The following ACCSL variants were observed in gnomAD, a reference collection of about 807,000 sequenced individuals.
The protein encoded by ACCSL is probable inactive 1-aminocyclopropane-1-carboxylate synthase-like protein 2.
ACCSL carries 55 observed loss-of-function variants against 61.7 expected under a neutral mutation model. That is an observed-to-expected ratio of 0.89 (90% CI 0.72 to 1.12). The LOEUF is 1.12. Among genes scored for constraint, ACCSL ranks in the 50% most tolerant of loss-of-function variants. The pLI is 0.00. For missense variants in ACCSL, 632 were observed against 698.0 expected, an observed-to-expected ratio of 0.91 and a Z score of 1.07; for synonymous variants, 258 against 264.3, an observed-to-expected ratio of 0.98 and a Z score of 0.23.
chr11:43,976,647 T>G, the ACCSL span, among the ~76,000 whole-genome samples: 8 of 152,178 alleles, frequency 5.3e-5, no homozygotes, highest in Non-Finnish European at 8.8e-5. Flanking sequence ...TTTTCCATGC[T>G]GGAGTCTCCA....
chr11:43,933,631 T>C, the ACCSL span, among the ~76,000 whole-genome samples: 4 of 152,144 alleles, frequency 2.6e-5, no homozygotes, highest in African/African-American at 4.8e-5. Context: ...CAAGAAAGCA[T>C]GTGGGAAGGG....
At chr11:43,950,688 C>T in the ACCSL span, among the ~76,000 whole-genome samples, 4 of 152,330 alleles carry the variant, frequency 2.6e-5, no homozygotes, top group East Asian at 7.7e-4. Flanking sequence ...TGATCAAGCC[C>T]ACAAGCCCAA....
chr11:43,973,416 ATCTATC>A, the ACCSL span, among the ~76,000 whole-genome samples: 1 of 22,234 alleles, frequency 4.5e-5, no homozygotes. Context: ...TGAGATATCT[ATCTATC>A]TATCTATCTA....
chr11:43,931,719 G>T, the ACCSL span, among the ~76,000 whole-genome samples: 1 of 152,208 alleles, frequency 6.6e-6, no homozygotes. Flanking sequence ...AGAGTTAGGT[G>T]CTCAGGAAAA....
chr11:44,023,234 G>A, the ACCSL span, among the ~76,000 whole-genome samples: 786 of 151,652 alleles, frequency 5.2e-3, 3 homozygotes, highest in Non-Finnish European at 8.6e-3. Flanking sequence ...TATACTTTTA[G>A]TAGAGGCAGA....
intron 1 of ACCSL, 100 bp from the exon 2 acceptor site, chr11:44,049,962 C>A: frequency 6.6e-7 from 1 of 1,506,918 alleles, no homozygotes; most frequent in Non-Finnish European, 9.2e-7. Flanking sequence ...ATTGAATTGC[C>A]TCATAGGCAG....
chr11:43,925,323 C>A, the ACCSL span: 20 of 454,972 alleles, frequency 4.4e-5, no homozygotes, highest in Admixed American at 7.1e-5. Context: ...CTCTGAGAGG[C>A]CTGGTGACAA....
chr11:43,949,724 A>G, the ACCSL span, among the ~76,000 whole-genome samples: 2 of 152,130 alleles, frequency 1.3e-5, no homozygotes, highest in Non-Finnish European at 2.9e-5. Flanking sequence ...CTGAGACAGG[A>G]GAGTTGCTTG....
At chr11:43,958,029 TG>T in the ACCSL span, among the ~76,000 whole-genome samples, 1 of 152,254 alleles carries the variant, frequency 6.6e-6, no homozygotes, top group Non-Finnish European at 1.5e-5. Context: ...TGTTCATTCC[TG>T]GGCATAGGCC....
chr11:44,029,969 T>TTTTTATTTTATTTTATTTTATTTTA, the ACCSL span, among the ~76,000 whole-genome samples: 2 of 94,480 alleles, frequency 2.1e-5, no homozygotes, highest in Non-Finnish European at 4.3e-5. Flanking sequence ...CTGGGCCTTG[T>TTTTTATTTTATTTTATTTTATTTTA]TTTTATTTTA....
At position 44,049,218 on chromosome 11, in the gene ACCSL, G is replaced by C. The variant is rs138551101; in HGVS notation, c.504+678G>C. 1.5e-4 allele frequency among the ~76,000 whole-genome samples: 23 copies of C among 152,034 alleles called. No individual in the cohort carries two copies. In the East Asian group the frequency reaches 4.1e-3, roughly 27 times the overall value. On this transcript the variant is annotated intron_variant, in intron 1 of 13. Coordinates refer to ENST00000378832, the MANE Select transcript of ACCSL (RefSeq NM_001031854.2). Reference sequence around the variant, plus strand: ...GTGGATCGCTCAAGTCCAGGAATTCGAGACCAGCCAGGGCAACATGGTGAA... The same window carrying C: ...GTGGATCGCTCAAGTCCAGGAATTCCAGACCAGCCAGGGCAACATGGTGAA...
At chr11:43,958,031 G>T in the ACCSL span, among the ~76,000 whole-genome samples, 1 of 152,116 alleles carries the variant, frequency 6.6e-6, no homozygotes, top group African/African-American at 2.4e-5. Context: ...TTCATTCCTG[G>T]GCATAGGCCA....
chr11:43,932,860 T>C, the ACCSL span, among the ~76,000 whole-genome samples: 1 of 152,178 alleles, frequency 6.6e-6, no homozygotes, highest in Non-Finnish European at 1.5e-5. Flanking sequence ...CTTCCAGGGC[T>C]CCTGACTCAA....
chr11:43,976,413 T>A, the ACCSL span, among the ~76,000 whole-genome samples: 6 of 152,336 alleles, frequency 3.9e-5, no homozygotes, highest in South Asian at 6.2e-4. Flanking sequence ...ATATCCCTTA[T>A]TTTTATATTT....
At chr11:43,961,101 G>A in the ACCSL span, among the ~76,000 whole-genome samples, 4 of 152,172 alleles carry the variant, frequency 2.6e-5, no homozygotes, top group South Asian at 4.1e-4. Context: ...GATTACAGGC[G>A]TGAGCCACCG....
the ACCSL span, among the ~76,000 whole-genome samples, chr11:43,988,799 C>G: frequency 7.6e-6 from 1 of 130,736 alleles, no homozygotes; most frequent in Non-Finnish European, 1.6e-5. Context: ...TCTGCTGATT[C>G]TCTCTTCTTT....
At chr11:44,033,261 G>A in the ACCSL span, among the ~76,000 whole-genome samples, 17 of 152,222 alleles carry the variant, frequency 1.1e-4, no homozygotes, top group South Asian at 1.2e-3. Context: ...CCATGGCCAC[G>A]TAGTTTGCCT....
At chr11:43,984,212 C>T in the ACCSL span, among the ~76,000 whole-genome samples, 1 of 152,076 alleles carries the variant, frequency 6.6e-6, no homozygotes, top group East Asian at 1.9e-4. Context: ...TAGGTGTCCA[C>T]TACACGTGGC....
the ACCSL span, among the ~76,000 whole-genome samples, chr11:44,020,103 T>A: frequency 6.0e-4 from 92 of 152,378 alleles, no homozygotes; most frequent in African/African-American, 2.1e-3. Flanking sequence ...TTTATTCCAC[T>A]GATCTGTATT....
Sources: gnomAD v4.1 joint callset for allele counts (sites outside exome capture counted in the v4.1 genomes callset) on GRCh38, gnomAD v4.1.1 for gene constraint, MANE v1.5 for transcripts, NCBI Gene and HGNC (gene_info 2026-07-23, HGNC 2026-07-21) for gene names.